Variants in FMN1 observed in about 807,000 individuals in gnomAD.
FMN1 encodes the protein formin 1, also known as formin-1.
A neutral mutation model predicts 132.4 loss-of-function variants in FMN1; 110 were observed. That is an observed-to-expected ratio of 0.83 (90% CI 0.71 to 0.97). FMN1 has a LOEUF of 0.97. FMN1 is among the 50% of genes least tolerant of loss of function. The pLI, the probability that FMN1 is intolerant of heterozygous loss-of-function variation, is 0.00. For missense variants in FMN1, 1,792 were observed against 1,705.3 expected (o/e 1.05, Z -0.90); for synonymous variants, 722 against 651.7 (o/e 1.11, Z -1.64).
rs550672418 is a variant in FMN1, at chr15:33,120,738, T to C, written c.1868-31764A>G. 3.3e-5 allele frequency among the ~76,000 whole-genome samples: 5 copies of C among 152,308 alleles called. No homozygotes were observed. The South Asian group carries it at 6.2e-4, about 19-fold the overall frequency. On this transcript the variant is annotated intron_variant, in intron 4 of 20. Coordinates refer to ENST00000616417, the MANE Select transcript of FMN1 (RefSeq NM_001277313.2). ...ATTTTACAGACATATATATAAGATA[T>C]GGAAAAATTTATTCTACCTATTACC...
intron 7 of FMN1, among the ~76,000 whole-genome samples, chr15:32,989,262 G>A (rs2033281471): frequency 6.6e-6 from 1 of 152,188 alleles, no homozygotes; most frequent in African/African-American, 2.4e-5. Context: ...CACTGGGGAT[G>A]GAAGGTAGGT....
intron 6 of FMN1, among the ~76,000 whole-genome samples, chr15:33,030,336 G>C (rs373431192): frequency 6.6e-6 from 1 of 152,188 alleles, no homozygotes; most frequent in Non-Finnish European, 1.5e-5. Context: ...CAGAGACCTG[G>C]TAGGTCAAGA....
chr15:32,929,866 T>C (rs1420370284), intron 9 of FMN1, among the ~76,000 whole-genome samples: 1 of 152,134 alleles, frequency 6.6e-6, no homozygotes, highest in Non-Finnish European at 1.5e-5. Flanking sequence ...TCTCCATCTC[T>C]TTGCTATTGT....
chr15:33,046,913 C>T (rs935370099), intron 6 of FMN1, among the ~76,000 whole-genome samples: 16 of 152,158 alleles, frequency 1.1e-4, no homozygotes, highest in African/African-American at 2.7e-4. Flanking sequence ...GGAAGAATAC[C>T]GTAGGATAAA....
intron 15 of FMN1, 115 bp downstream of exon 15, chr15:32,898,719 G>A: frequency 1.5e-6 from 1 of 679,398 alleles, no homozygotes; most frequent in Non-Finnish European, 2.6e-6. Context: ...ACGCTGGAGA[G>A]CTCTCATATT....
chr15:32,938,368 A>C (rs1409821687), intron 9 of FMN1, among the ~76,000 whole-genome samples: 1 of 152,064 alleles, frequency 6.6e-6, no homozygotes, highest in Admixed American at 6.5e-5. Flanking sequence ...ATCTCTACTA[A>C]AAATACAAAA....
At chr15:33,005,475 T>G (rs903094855) in intron 7 of FMN1, among the ~76,000 whole-genome samples, 1 of 152,216 alleles carries the variant, frequency 6.6e-6, no homozygotes, top group African/African-American at 2.4e-5. Flanking sequence ...GATCACAATA[T>G]ACTTTCCTTC....
chr15:32,961,497 A>G (rs921444591), intron 9 of FMN1, among the ~76,000 whole-genome samples: 2 of 152,188 alleles, frequency 1.3e-5, no homozygotes, highest in African/African-American at 4.8e-5. Context: ...AAGCTCACAT[A>G]GCAAGTCAAT....
intron 16 of FMN1, among the ~76,000 whole-genome samples, chr15:32,860,084 A>C (rs1442147079): frequency 1.3e-5 from 2 of 151,480 alleles, no homozygotes. Flanking sequence ...GCAAAGGCAA[A>C]GGCAAGGCAA....
chr15:32,939,036 A>C (rs535209997), intron 9 of FMN1, among the ~76,000 whole-genome samples: 6 of 152,306 alleles, frequency 3.9e-5, no homozygotes, highest in African/African-American at 1.2e-4. Context: ...CTACATCTCC[A>C]CTAAGCACTG....
At chr15:32,803,815 T>A (rs1446995734) in intron 18 of FMN1, among the ~76,000 whole-genome samples, 1 of 152,204 alleles carries the variant, frequency 6.6e-6, no homozygotes, top group African/African-American at 2.4e-5. Context: ...ACAGGCAGAA[T>A]AGTGTCATGA....
chr15:33,034,744 C>CTTGCCTGTA (rs1433814084), intron 6 of FMN1, among the ~76,000 whole-genome samples: 3 of 152,150 alleles, frequency 2.0e-5, no homozygotes, highest in Non-Finnish European at 1.5e-5. Flanking sequence ...AATATAATCT[C>CTTGCCTGTA]TTGCCTGTAT....
rs1352477455 is a variant in FMN1, at chr15:32,766,447, T to C, written c.*7863A>G. ...TTCTGCATCATAGCTGGTGACCCGG[T>C]CTGATGTACAAATTTATCAAGAGAA... On this transcript the variant is annotated 3_prime_UTR_variant, in exon 21 of 21. Coordinates refer to ENST00000616417, the MANE Select transcript of FMN1 (RefSeq NM_001277313.2). 6.6e-6 allele frequency: 1 copy of C among 152,026 alleles called. No homozygotes were observed. The highest frequency in any genetic ancestry group is 1.5e-5 in the Non-Finnish European group (1 of 68,008). 9.4% of individuals were successfully genotyped at this position (152,026 alleles called of 1,614,324 possible).
At chr15:33,038,397 T>A (rs1305310659) in intron 6 of FMN1, among the ~76,000 whole-genome samples, 4 of 152,248 alleles carry the variant, frequency 2.6e-5, no homozygotes, top group Non-Finnish European at 4.4e-5. Flanking sequence ...TTTTCATCCC[T>A]TCAAACGTTT....
chr15:33,157,148 C>G (rs531645549), intron 3 of FMN1, among the ~76,000 whole-genome samples: 2 of 151,940 alleles, frequency 1.3e-5, no homozygotes, highest in East Asian at 3.9e-4. Flanking sequence ...GCCTATAATC[C>G]TAGCTACTCA....
At chr15:33,035,966 C>T (rs1035377995) in intron 6 of FMN1, among the ~76,000 whole-genome samples, 1 of 152,130 alleles carries the variant, frequency 6.6e-6, no homozygotes, top group Non-Finnish European at 1.5e-5. Context: ...GAAGAGAGAC[C>T]TGTGTTTGCA....
At position 32,888,353 on chromosome 15, in the gene FMN1, T is replaced by G. The variant is rs370514428; in HGVS notation, c.3715-61A>C. The G allele has an allele frequency of 1.6e-3, 2,384 of 1,451,138 alleles. 56 individuals are homozygous for G. In the South Asian group the frequency reaches 0.032, roughly 19 times the overall value. The allele number at this position is 1,451,138 out of a possible 1,614,324, so 89.9% of individuals were successfully genotyped here. ...CCCAATTGTCACTTTCAGTTGAAAT[T>G]CCAAAGCATCAATGAGAAAAAAAAA... On this transcript the variant is annotated intron_variant, in intron 15 of 20. Transcript: ENST00000616417.
intron 4 of FMN1, among the ~76,000 whole-genome samples, chr15:33,100,225 A>T (rs1355208920): frequency 0.14 from 5,328 of 38,516 alleles, 324 homozygotes; most frequent in African/African-American, 0.41. Context: ...TTTCACAGTA[A>T]AAAAAAAAAA....
At chr15:33,096,176 C>T (rs1302691743) in intron 4 of FMN1, among the ~76,000 whole-genome samples, 1 of 152,124 alleles carries the variant, frequency 6.6e-6, no homozygotes, top group Admixed American at 6.5e-5. Flanking sequence ...TCCCTGATGG[C>T]TGACAGAAGT....
Sources: gnomAD v4.1 joint callset for allele counts (sites outside exome capture counted in the v4.1 genomes callset) on GRCh38, gnomAD v4.1.1 for gene constraint, MANE v1.5 for transcripts, NCBI Gene and HGNC (gene_info 2026-07-23, HGNC 2026-07-21) for gene names.